FRS2: variants seen among roughly 807,000 people sequenced by gnomAD.
FRS2 encodes the protein fibroblast growth factor receptor substrate 2, also known as FGFR signalling adaptor.
Under a neutral mutation model 43.9 loss-of-function variants are expected in FRS2, and 8 were observed. The ratio of observed to expected loss-of-function variants is 0.18; its 90% CI spans 0.11 to 0.33. FRS2 has a LOEUF of 0.33. Ranked by LOEUF, FRS2 falls within the 10% of genes least tolerant of loss-of-function variation. FRS2 has a pLI of 1.00. For missense variants in FRS2, 534 were observed against 627.6 expected (o/e 0.85, Z 1.59); for synonymous variants, 219 against 220.3 (o/e 0.99, Z 0.05).
At position 69,575,531 on chromosome 12, in the gene FRS2, C is replaced by T. The variant is rs138632705; in HGVS notation, c.*576C>T. The T allele has an allele frequency of 2.7e-3, 419 of 152,842 alleles. 3 individuals are homozygous for T. The highest frequency in any genetic ancestry group is 4.6e-3 in the Non-Finnish European group (315 of 68,216). 9.5% of individuals were successfully genotyped at this position (152,842 alleles called of 1,614,324 possible). On this transcript the variant is annotated 3_prime_UTR_variant, in exon 9 of 9. Transcript: ENST00000549921. ...CTTTGCCTTCAGTGTTACTAGAAAG[C>T]GGCCTGTGTCCATGAGTGTGCTTTG...
rs1316974552 is a variant in FRS2 at position 69,547,904 on chromosome 12, A to T, written c.-121-14276A>T. 3.5e-5 allele frequency among the ~76,000 whole-genome samples: 5 copies of T among 142,490 alleles called. No individual in the cohort carries two copies. The South Asian group carries it at 1.1e-3, about 31-fold the overall frequency. 93.5% of individuals were successfully genotyped at this position (142,490 alleles called of 152,430 possible). On this transcript the variant is annotated intron_variant, in intron 3 of 8. Transcript: ENST00000549921. ...CACCCAGGCTAGAGTACAATGGCAC[A>T]GTCATGGCTCACACAGCCTCTGACT...
chr12:69,526,296 A>G (rs1465815818), intron 1 of FRS2, among the ~76,000 whole-genome samples: 1 of 152,236 alleles, frequency 6.6e-6, no homozygotes, highest in Non-Finnish European at 1.5e-5. Context: ...AACTTAGGAC[A>G]TTAGTATAAT....
At chr12:69,503,828 C>T (rs1297659585) in intron 1 of FRS2, among the ~76,000 whole-genome samples, 2 of 152,138 alleles carry the variant, frequency 1.3e-5, no homozygotes, top group Non-Finnish European at 2.9e-5. Flanking sequence ...AGAGTTTAGC[C>T]ATTTTATAGA....
chr12:69,548,153 C>G (rs1274849835), intron 3 of FRS2, among the ~76,000 whole-genome samples: 20 of 152,096 alleles, frequency 1.3e-4, no homozygotes, highest in Non-Finnish European at 2.9e-4. Context: ...GCACCAAGCT[C>G]CTGTATTAAT....
At chr12:69,517,308 G>A (rs1165879898) in intron 1 of FRS2, among the ~76,000 whole-genome samples, 2 of 152,136 alleles carry the variant, frequency 1.3e-5, no homozygotes, top group African/African-American at 2.4e-5. Flanking sequence ...TATGTATAAG[G>A]TATATATGAA....
chr12:69,486,467 C>T (rs961041646), intron 1 of FRS2, among the ~76,000 whole-genome samples: 1 of 152,194 alleles, frequency 6.6e-6, no homozygotes, highest in Non-Finnish European at 1.5e-5. Flanking sequence ...GTTGTTTCCT[C>T]ATCTCTTTCC....
intron 1 of FRS2, among the ~76,000 whole-genome samples, chr12:69,507,158 A>G (rs1316454303): frequency 6.6e-6 from 1 of 152,202 alleles, no homozygotes; most frequent in Non-Finnish European, 1.5e-5. Context: ...AATAAGCAAC[A>G]AAAAACACAC....
chr12:69,528,644 G>GT (rs1195015424), intron 1 of FRS2, among the ~76,000 whole-genome samples: 1 of 152,168 alleles, frequency 6.6e-6, no homozygotes, highest in Non-Finnish European at 1.5e-5. Flanking sequence ...CTCTACAGAT[G>GT]TTTAGACACA....
chr12:69,542,584 G>T (rs989528734), intron 3 of FRS2, among the ~76,000 whole-genome samples: 1 of 152,164 alleles, frequency 6.6e-6, no homozygotes, highest in Non-Finnish European at 1.5e-5. Context: ...AATATTGTTT[G>T]TAGCTAAACC....
chr12:69,565,169 G>C (rs1880185799), intron 4 of FRS2, among the ~76,000 whole-genome samples: 1 of 152,224 alleles, frequency 6.6e-6, no homozygotes, highest in African/African-American at 2.4e-5. Context: ...ACTATAGGCA[G>C]TTGTAACACA....
intron 4 of FRS2, among the ~76,000 whole-genome samples, chr12:69,564,625 A>G (rs1423672783): frequency 6.6e-6 from 1 of 151,770 alleles, no homozygotes; most frequent in Non-Finnish European, 1.5e-5. Flanking sequence ...TTTCCTCTTA[A>G]ATGTTCCTTA....
intron 3 of FRS2, among the ~76,000 whole-genome samples, chr12:69,556,484 C>T (rs968533116): frequency 8.5e-5 from 13 of 152,070 alleles, no homozygotes; most frequent in Non-Finnish European, 1.9e-4. Context: ...AGGCATGTAC[C>T]ATCGCACCCG....
chr12:69,516,419 T>A (rs1244045386), intron 1 of FRS2, among the ~76,000 whole-genome samples: 2 of 152,090 alleles, frequency 1.3e-5, no homozygotes, highest in Non-Finnish European at 2.9e-5. Flanking sequence ...GGTTTCTCCA[T>A]GTTGGTCAGG....
chr12:69,526,522 A>G (rs1565747763), intron 1 of FRS2, among the ~76,000 whole-genome samples: 1 of 152,226 alleles, frequency 6.6e-6, no homozygotes, highest in Non-Finnish European at 1.5e-5. Flanking sequence ...GAAGAAATAA[A>G]GCCAATTAGT....
chr12:69,568,112 G>A (rs995970034), intron 4 of FRS2, among the ~76,000 whole-genome samples: 2 of 152,084 alleles, frequency 1.3e-5, no homozygotes, highest in African/African-American at 4.8e-5. Context: ...CAGTTGGAGT[G>A]TTCTTAAACA....
intron 1 of FRS2, among the ~76,000 whole-genome samples, chr12:69,474,495 T>C (rs1184557530): frequency 6.6e-6 from 1 of 152,200 alleles, no homozygotes; most frequent in Non-Finnish European, 1.5e-5. Flanking sequence ...TGATTTATTT[T>C]ATGCAGTGGG....
chr12:69,495,616 G>A (rs1011770066), intron 1 of FRS2, among the ~76,000 whole-genome samples: 1 of 152,180 alleles, frequency 6.6e-6, no homozygotes, highest in African/African-American at 2.4e-5. Context: ...CTAAATTTTA[G>A]GAGTATTACA....
At position 69,574,676 on chromosome 12, in the gene FRS2, A is replaced by C; in HGVS notation, c.1248A>C (p.Thr416=). 3 of 1,614,120 alleles carry C rather than the reference A, an allele frequency of 1.9e-6. No homozygotes were observed. Among genetic ancestry groups the C allele is most frequent in the African/African-American group, 1.3e-5 (1 of 75,052 alleles). The change falls in exon 9 of 9, where the codon ACA becomes ACC. Residue 416 remains threonine, a synonymous_variant. Coordinates refer to ENST00000549921, the MANE Select transcript of FRS2 (RefSeq NM_001278356.2). ...AATATTCAAGGCGTCGGGACTGTACACCAACAGTCTTTAACTTTGATATCA... is the reference window on the plus strand; with the variant it reads ...AATATTCAAGGCGTCGGGACTGTACCCCAACAGTCTTTAACTTTGATATCA... ...KIEYSRRRDC[T]PTVFNFDIRR...
intron 1 of FRS2, among the ~76,000 whole-genome samples, chr12:69,499,957 G>A (rs150701226): frequency 1.3e-5 from 2 of 152,188 alleles, no homozygotes; most frequent in East Asian, 1.9e-4. Context: ...TCTGGTCAGA[G>A]TAGTGTTTCT....
Sources: gnomAD v4.1 joint callset for allele counts (sites outside exome capture counted in the v4.1 genomes callset) on GRCh38, gnomAD v4.1.1 for gene constraint, MANE v1.5 for transcripts, NCBI Gene and HGNC (gene_info 2026-07-23, HGNC 2026-07-21) for gene names.